RIPK2: variants seen among roughly 807,000 people sequenced by gnomAD.
The protein encoded by RIPK2 is receptor interacting serine/threonine kinase 2, also known as receptor-interacting serine/threonine-protein kinase 2.
In RIPK2, 38 loss-of-function variants were observed where a neutral mutation model predicts 60.9. The observed-to-expected ratio is 0.62, with a 90% confidence interval of 0.48 to 0.82. The LOEUF is 0.82. RIPK2 is among the 40% of genes least tolerant of loss of function. The probability of loss-of-function intolerance (pLI) is 0.00; values close to 1 mark genes in which losing one functional copy is unlikely to be tolerated. For missense variants in RIPK2, 518 were observed against 647.0 expected (o/e 0.80, Z 2.16); for synonymous variants, 225 against 223.4 (o/e 1.01, Z -0.06).
At chr8:89,762,143 A>T (rs1809156716) in intron 1 of RIPK2, among the ~76,000 whole-genome samples, 1 of 152,058 alleles carries the variant, frequency 6.6e-6, no homozygotes, top group Non-Finnish European at 1.5e-5. Context: ...AGCTGTGATC[A>T]CACCACTGCA....
chr8:89,764,406 T>C (rs1563610221), intron 2 of RIPK2, among the ~76,000 whole-genome samples: 1 of 152,156 alleles, frequency 6.6e-6, no homozygotes, highest in Non-Finnish European at 1.5e-5. Context: ...GCCAGATTGA[T>C]CACTGAACTA....
intron 6 of RIPK2, among the ~76,000 whole-genome samples, chr8:89,774,197 C>T (rs1181227026): frequency 6.6e-6 from 1 of 151,892 alleles, no homozygotes; most frequent in Non-Finnish European, 1.5e-5. Flanking sequence ...AAAACCCTGA[C>T]AAGTCAATAA....
At chr8:89,781,409 C>T (rs1301853813) in intron 7 of RIPK2, among the ~76,000 whole-genome samples, 1 of 148,896 alleles carries the variant, frequency 6.7e-6, no homozygotes, top group African/African-American at 2.5e-5. Context: ...CTCTGTCGCC[C>T]AGGCTGGAGT....
At chr8:89,764,936 G>A (rs73291447) in intron 2 of RIPK2, among the ~76,000 whole-genome samples, 1,579 of 152,114 alleles carry the variant, frequency 0.01, 36 homozygotes, top group African/African-American at 0.036. Context: ...GAAAAAAACT[G>A]TCTGTAATTT....
In RIPK2 at chr8:89,789,309, T is replaced by G; in HGVS notation, c.1124-12T>G. 6.2e-7 allele frequency: 1 copy of G among 1,611,494 alleles called. No homozygotes were observed. The highest frequency in any genetic ancestry group is 8.5e-7 in the Non-Finnish European group (1 of 1,178,154). On this transcript the variant is annotated splice_polypyrimidine_tract_variant and intron_variant, in intron 9 of 10. Coordinates refer to ENST00000220751, the MANE Select transcript of RIPK2 (RefSeq NM_003821.6). ...AGTATTCTACTTCTAATGAAGATGT[T>G]GTATTTTGTAGGAAAAGCTCAAGAC...
intron 1 of RIPK2, 77 bp downstream of exon 1, chr8:89,758,310 G>A: frequency 1.4e-6 from 2 of 1,424,716 alleles, no homozygotes; most frequent in Non-Finnish European, 1.9e-6. Flanking sequence ...GCGGGCTCTA[G>A]AGCCCAAATG....
In RIPK2 at chr8:89,772,697, G is replaced by C; in HGVS notation, c.722G>C (p.Ser241Thr). The change falls in exon 6 of 11, where the codon AGT becomes ACT. Residue 241 changes from serine (S) to threonine (T), a missense_variant. By Grantham distance (58) the Ser-to-Thr change is moderately conservative. This residue lies in a region of RIPK2 where 448 missense variants were observed against 534.7 expected (regional missense o/e 0.84). Coordinates refer to ENST00000220751, the MANE Select transcript of RIPK2 (RefSeq NM_003821.6). Reference protein sequence around the residue: ...DVTNPLQIMYSVSQGHRPVIN... With the variant: ...DVTNPLQIMYTVSQGHRPVIN... ...ACCAATCCTTTGCAGATAATGTATAGTGTGTCACAAGGACATCGACCTGTT... is the reference window on the plus strand; with the variant it reads ...ACCAATCCTTTGCAGATAATGTATACTGTGTCACAAGGACATCGACCTGTT... 1 of 1,609,740 alleles carries C rather than the reference G, an allele frequency of 6.2e-7. No homozygotes were observed. The highest frequency in any genetic ancestry group is 8.5e-7 in the Non-Finnish European group (1 of 1,177,602).
At chr8:89,768,892 G>A (rs570655749) in intron 3 of RIPK2, among the ~76,000 whole-genome samples, 1 of 151,698 alleles carries the variant, frequency 6.6e-6, no homozygotes, top group South Asian at 2.1e-4. Flanking sequence ...GTGCTGCATG[G>A]AGCTCATTTC....
chr8:89,759,699 T>C (rs1391706092), intron 1 of RIPK2, among the ~76,000 whole-genome samples: 1 of 152,214 alleles, frequency 6.6e-6, no homozygotes, highest in Non-Finnish European at 1.5e-5. Flanking sequence ...TGGACAAGTG[T>C]GTATATGTGT....
chr8:89,759,419 A>G (rs757014034), intron 1 of RIPK2: 4 of 456,062 alleles, frequency 8.8e-6, no homozygotes, highest in Non-Finnish European at 1.8e-5. Context: ...AAAATACGTC[A>G]TCCCCGATGC....
intron 6 of RIPK2, among the ~76,000 whole-genome samples, chr8:89,776,366 G>T (rs1809398521): frequency 6.6e-6 from 1 of 152,150 alleles, no homozygotes; most frequent in Non-Finnish European, 1.5e-5. Context: ...TAGATCTCAA[G>T]ACTCTTCAAA....
chr8:89,773,837 T>C (rs886494856), intron 6 of RIPK2, among the ~76,000 whole-genome samples: 1 of 152,082 alleles, frequency 6.6e-6, no homozygotes, highest in African/African-American at 2.4e-5. Context: ...AAATATGACA[T>C]CAAAAATAAA....
chr8:89,764,015 T>A (rs1360708613), intron 2 of RIPK2, among the ~76,000 whole-genome samples: 1 of 152,034 alleles, frequency 6.6e-6, no homozygotes, highest in Non-Finnish European at 1.5e-5. Context: ...TTCTACAGCC[T>A]CCTCAAGGGG....
chr8:89,764,305 C>T (rs1389321421), intron 2 of RIPK2, among the ~76,000 whole-genome samples: 1 of 152,034 alleles, frequency 6.6e-6, no homozygotes, highest in Non-Finnish European at 1.5e-5. Flanking sequence ...TGGGATTTAT[C>T]TTGAAGTGCC....
intron 3 of RIPK2, among the ~76,000 whole-genome samples, chr8:89,768,589 A>C (rs1302236821): frequency 1.3e-5 from 2 of 151,588 alleles, no homozygotes; most frequent in Non-Finnish European, 3.0e-5. Flanking sequence ...TGTCCTTAAA[A>C]ATTTTTCTGA....
At position 89,784,141 on chromosome 8, in the gene RIPK2, T is replaced by TTAA; in HGVS notation, c.1029+2_1029+3insTAA. The TTAA allele has an allele frequency of 1.8e-6, 1 of 556,168 alleles. No individual in the cohort carries two copies. Among genetic ancestry groups the TTAA allele is most frequent in the Non-Finnish European group, 2.6e-6 (1 of 382,032 alleles). The allele number at this position is 556,168 out of a possible 1,614,324, so 34.5% of individuals were successfully genotyped here. A position where few individuals can be genotyped will look rare whatever the true frequency, so the allele number is the denominator to read the frequency against. ...CCTGTAAATCATGGTCCACAAGAGG[T>TTAA]AAAAAAAAAAAAAAAAAAAAAAAGG... On this transcript the variant is annotated splice_region_variant and intron_variant, in intron 8 of 10. Transcript: ENST00000220751.
chr8:89,762,798 A>T, intron 1 of RIPK2, 31 bp from the exon 2 acceptor site: 1 of 1,199,712 alleles, frequency 8.3e-7, no homozygotes, highest in Non-Finnish European at 1.1e-6. Flanking sequence ...TTTTTTTATT[A>T]CTTGAATAAT....
In RIPK2 at chr8:89,779,310, G is replaced by GTTTTTTTTTTTTTTTTTTTTTTTTTTTT. The variant is rs55784154; in HGVS notation, c.854-743_854-742insTTTTTTTTTTTTTTTTTTTTTTTTTTTT. On this transcript the variant is annotated intron_variant, in intron 6 of 10. Coordinates refer to ENST00000220751, the MANE Select transcript of RIPK2 (RefSeq NM_003821.6). ...AGTCCAATTTTTAGGCGGTTTTTGG[G>GTTTTTTTTTTTTTTTTTTTTTTTTTTTT]TTTTTTTTTTTTTTTTTTTTTTGAG... is the stretch of plus-strand genomic sequence containing the variant. 3.8e-5 allele frequency among the ~76,000 whole-genome samples: 3 copies of GTTTTTTTTTTTTTTTTTTTTTTTTTTTT among 79,094 alleles called. 1 individual carries two copies. The highest frequency in any genetic ancestry group is 1.2e-4 in the African/African-American group (2 of 17,120). The allele number at this position is 79,094 out of a possible 152,430, so 51.9% of individuals were successfully genotyped here. A position where few individuals can be genotyped will look rare whatever the true frequency, so the allele number is the denominator to read the frequency against.
chr8:89,779,464 G>A (rs867415439), intron 6 of RIPK2, among the ~76,000 whole-genome samples: 7 of 151,686 alleles, frequency 4.6e-5, no homozygotes, highest in Non-Finnish European at 8.8e-5. Context: ...GCAGGTGCCC[G>A]CCACCACGCC....
Sources: gnomAD v4.1 joint callset for allele counts (sites outside exome capture counted in the v4.1 genomes callset) on GRCh38, gnomAD v4.1.1 for gene constraint, gnomAD v4.1.1 regional missense constraint, MANE v1.5 for transcripts, NCBI Gene and HGNC (gene_info 2026-07-23, HGNC 2026-07-21) for gene names.